Variants in VCPIP1 observed in about 807,000 individuals in gnomAD.
VCPIP1 encodes valosin containing protein interacting protein 1, also known as deubiquitinating protein VCPIP1.
In VCPIP1, 8 loss-of-function variants were observed where a neutral mutation model predicts 85.0. The observed-to-expected ratio is 0.09, with a 90% CI of 0.06 to 0.17. The LOEUF (loss-of-function observed/expected upper bound fraction) is 0.17, where lower values mean the gene tolerates loss of function less well. VCPIP1 is among the 10% of genes least tolerant of loss of function. VCPIP1 has a pLI of 1.00. For missense variants in VCPIP1, 1,070 were observed against 1,486.3 expected (o/e 0.72, Z 4.61); for synonymous variants, 543 against 544.5 (o/e 1.00, Z 0.04).
intron 2 of VCPIP1, among the ~76,000 whole-genome samples, chr8:66,649,091 G>A (rs1447242853): frequency 6.6e-6 from 1 of 151,954 alleles, no homozygotes; most frequent in Non-Finnish European, 1.5e-5. Context: ...TGAGCCCAGA[G>A]GATTGACGCT....
intron 1 of VCPIP1, among the ~76,000 whole-genome samples, chr8:66,660,302 C>A (rs894012601): frequency 6.6e-5 from 10 of 152,190 alleles, no homozygotes; most frequent in Admixed American, 5.2e-4. Flanking sequence ...AGGGTTCAGT[C>A]TCTGTCTTGA....
chr8:66,642,934 C>T (rs1810961322), intron 2 of VCPIP1, among the ~76,000 whole-genome samples: 1 of 151,740 alleles, frequency 6.6e-6, no homozygotes, highest in African/African-American at 2.4e-5. Flanking sequence ...CTTCTAAAAA[C>T]CACTAATTAG....
At chr8:66,649,849 A>G (rs771702471) in intron 2 of VCPIP1, among the ~76,000 whole-genome samples, 7 of 152,222 alleles carry the variant, frequency 4.6e-5, no homozygotes, top group Admixed American at 6.5e-5. Flanking sequence ...GTCTGAAAAG[A>G]GTGAATTTTA....
chr8:66,657,149 T>C (rs566151262), intron 1 of VCPIP1, among the ~76,000 whole-genome samples: 2 of 152,104 alleles, frequency 1.3e-5, no homozygotes, highest in East Asian at 3.9e-4. Context: ...AGACAATTTG[T>C]CCATCTCGGC....
chr8:66,638,970 C>CTCTCTCTCTATATATATATATA, intron 2 of VCPIP1, among the ~76,000 whole-genome samples: 1 of 118,424 alleles, frequency 8.4e-6, no homozygotes, highest in African/African-American at 3.9e-5. Context: ...CTCTCTCTCT[C>CTCTCTCTCTATATATATATATA]TATATATATA....
rs907071710 is a variant in VCPIP1 at position 66,667,190 on chromosome 8, G to A, written c.-232C>T. On this transcript the variant is annotated 5_prime_UTR_variant, in exon 1 of 3. Transcript: ENST00000310421. ...AACGTAACGGCCACCACCCCACCCC[G>A]CACTCACACTCACTCACTCTCGCTC... The A allele has an allele frequency of 2.5e-6, 2 of 800,102 alleles. No homozygotes were observed. Among genetic ancestry groups the A allele is most frequent in the Non-Finnish European group, 1.8e-6 (1 of 545,186 alleles). 49.6% of individuals were successfully genotyped at this position (800,102 alleles called of 1,614,324 possible). A position where few individuals can be genotyped will look rare whatever the true frequency, so the allele number is the denominator to read the frequency against.
intron 2 of VCPIP1, among the ~76,000 whole-genome samples, chr8:66,643,239 C>T (rs771680826): frequency 1.3e-4 from 20 of 151,736 alleles, no homozygotes; most frequent in Non-Finnish European, 2.2e-4. Flanking sequence ...AGGAGAATCA[C>T]GTCAACTCGG....
Position 66,631,080 on chromosome 8 carries a change from A to C in VCPIP1, c.*3421T>G, listed in dbSNP as rs967458174. The C allele has an allele frequency of 6.6e-6, 1 of 152,120 alleles. No homozygotes were observed. The highest frequency in any genetic ancestry group is 2.4e-5 in the African/African-American group (1 of 41,424). The allele number at this position is 152,120 out of a possible 1,614,324, so 9.4% of individuals were successfully genotyped here. ...ATGGTGGTTTTTAATTCACATTAAG[A>C]TAGGTGGAATTTAATCCAATTTTGC... On this transcript the variant is annotated 3_prime_UTR_variant, in exon 3 of 3. Coordinates refer to ENST00000310421, the MANE Select transcript of VCPIP1 (RefSeq NM_025054.5).
chr8:66,653,730 T>C (rs1203026705), intron 1 of VCPIP1, among the ~76,000 whole-genome samples: 1 of 152,228 alleles, frequency 6.6e-6, no homozygotes, highest in African/African-American at 2.4e-5. Context: ...CTGCAGTGTT[T>C]GTCAACCTTG....
chr8:66,651,435 G>T, intron 2 of VCPIP1, 23 bp downstream of exon 2: 1 of 1,549,820 alleles, frequency 6.5e-7, no homozygotes, highest in South Asian at 1.2e-5. Context: ...TATTATTTAA[G>T]AATAAAATCA....
chr8:66,650,860 C>CAAA lies in VCPIP1; in HGVS notation c.2797+595_2797+597dup, dbSNP rs770736039. 1.7e-3 allele frequency among the ~76,000 whole-genome samples: 24 copies of CAAA among 13,930 alleles called. 1 individual carries two copies. Among genetic ancestry groups the CAAA allele is most frequent in the East Asian group, 2.3e-3 (1 of 430 alleles). The allele number at this position is 13,930 out of a possible 152,430, so 9.1% of individuals were successfully genotyped here. A position where few individuals can be genotyped will look rare whatever the true frequency, so the allele number is the denominator to read the frequency against. ...GGGGGACAAGAGCAAGACTTCGTCTCAAAAAAAAAAAAAAAAAAAAAAAAA... is the reference window on the plus strand; with the variant it reads ...GGGGGACAAGAGCAAGACTTCGTCTCAAAAAAAAAAAAAAAAAAAAAAAAAAAA... On this transcript the variant is annotated intron_variant, in intron 2 of 2. Coordinates refer to ENST00000310421, the MANE Select transcript of VCPIP1 (RefSeq NM_025054.5).
chr8:66,643,832 C>T (rs1334806732), intron 2 of VCPIP1, among the ~76,000 whole-genome samples: 1 of 147,328 alleles, frequency 6.8e-6, no homozygotes, highest in Non-Finnish European at 1.5e-5. Context: ...ACAAAAAAAA[C>T]CCTATGAATC....
rs1432922401 is a variant in VCPIP1, at chr8:66,664,976, A to T, written c.1983T>A (p.Asp661Glu). Residue 661 changes from aspartate to glutamate, a missense_variant, in exon 1 of 3, where the codon GAT becomes GAA. Transcript: ENST00000310421. ...ILHQTAKKNP[D>E]DYTPVNIDGA... ...CATCTATATTTACAGGAGTATAATCATCGGGATTCTTTTTGGCAGTCTGAT... is the reference window on the plus strand; with the variant it reads ...CATCTATATTTACAGGAGTATAATCTTCGGGATTCTTTTTGGCAGTCTGAT... The T allele has an allele frequency of 1.2e-6, 2 of 1,613,486 alleles. No homozygotes were observed. The highest frequency in any genetic ancestry group is 1.7e-6 in the Non-Finnish European group (2 of 1,179,672).
At chr8:66,642,822 C>T (rs1810960415) in intron 2 of VCPIP1, among the ~76,000 whole-genome samples, 1 of 151,938 alleles carries the variant, frequency 6.6e-6, no homozygotes, top group African/African-American at 2.4e-5. Flanking sequence ...CCCTCCCACA[C>T]ACAAAACACA....
At position 66,632,121 on chromosome 8, in the gene VCPIP1, G is replaced by A. The variant is rs1367884192; in HGVS notation, c.*2380C>T. On this transcript the variant is annotated 3_prime_UTR_variant, in exon 3 of 3. Coordinates refer to ENST00000310421, the MANE Select transcript of VCPIP1 (RefSeq NM_025054.5). ...AGATGTCTAGCTTGCACGCCAAGATGTGGCTATATCACAAATGGCAGTACT... is the reference window on the plus strand; with the variant it reads ...AGATGTCTAGCTTGCACGCCAAGATATGGCTATATCACAAATGGCAGTACT... 6.7e-6 allele frequency: 1 copy of A among 149,734 alleles called. No individual in the cohort carries two copies. The highest frequency in any genetic ancestry group is 1.9e-4 in the East Asian group (1 of 5,140). 9.3% of individuals were successfully genotyped at this position (149,734 alleles called of 1,614,324 possible). A position where few individuals can be genotyped will look rare whatever the true frequency, so the allele number is the denominator to read the frequency against.
At chr8:66,652,206 CA>C (rs1246705256) in intron 1 of VCPIP1, among the ~76,000 whole-genome samples, 1 of 152,080 alleles carries the variant, frequency 6.6e-6, no homozygotes, top group Non-Finnish European at 1.5e-5. Context: ...AAGAAAAAAC[CA>C]CAAGTCAAGA....
chr8:66,667,205 CA>C lies in VCPIP1; in HGVS notation c.-248del. The C allele has an allele frequency of 1.4e-6, 1 of 693,632 alleles. No individual in the cohort carries two copies. The highest frequency in any genetic ancestry group is 2.9e-5 in the East Asian group (1 of 34,414). The allele number at this position is 693,632 out of a possible 1,614,324, so 43.0% of individuals were successfully genotyped here. A position where few individuals can be genotyped will look rare whatever the true frequency, so the allele number is the denominator to read the frequency against. On this transcript the variant is annotated 5_prime_UTR_variant, in exon 1 of 3. Coordinates refer to ENST00000310421, the MANE Select transcript of VCPIP1 (RefSeq NM_025054.5). The stretch of plus-strand genomic sequence containing the variant: ...ACCCCACCCCGCACTCACACTCACT[CA>C]CTCTCGCTCTCTCTCCCTCAGACAC...
intron 2 of VCPIP1, among the ~76,000 whole-genome samples, chr8:66,648,150 A>C (rs954616661): frequency 6.6e-6 from 1 of 152,118 alleles, no homozygotes; most frequent in African/African-American, 2.4e-5. Flanking sequence ...ACTACTCAGC[A>C]ATAAAAAGGA....
intron 2 of VCPIP1, among the ~76,000 whole-genome samples, chr8:66,638,073 A>G (rs917200790): frequency 1.3e-5 from 2 of 152,204 alleles, no homozygotes; most frequent in African/African-American, 4.8e-5. Flanking sequence ...GAAACTACCC[A>G]AAAGCTCATG....
Sources: gnomAD v4.1 joint callset for allele counts (sites outside exome capture counted in the v4.1 genomes callset) on GRCh38, gnomAD v4.1.1 for gene constraint, MANE v1.5 for transcripts, NCBI Gene and HGNC (gene_info 2026-07-23, HGNC 2026-07-21) for gene names.